BCAS2: variants seen among roughly 807,000 people sequenced by gnomAD.
BCAS2 encodes BCAS2 pre-mRNA processing factor, also known as pre-mRNA-splicing factor SPF27.
In BCAS2, 34 loss-of-function variants were observed where a neutral mutation model predicts 35.3. That is an observed-to-expected ratio of 0.96 (90% CI 0.73 to 1.28). BCAS2 has a LOEUF of 1.28. Among genes scored for constraint, BCAS2 ranks in the 50% most tolerant of loss-of-function variants. The probability of loss-of-function intolerance (pLI) is 0.00; values close to 1 mark genes in which losing one functional copy is unlikely to be tolerated. For synonymous variants in BCAS2, 75 were observed against 91.6 expected (o/e 0.82, Z 1.03); for missense variants, 221 against 268.1 (o/e 0.82, Z 1.23).
At position 114,575,162 on chromosome 1, in the gene BCAS2, G is replaced by A. The variant is rs192289935; in HGVS notation, c.419+428C>T. On this transcript the variant is annotated intron_variant, in intron 4 of 6. Transcript: ENST00000369541. ...GCTGGGATTACAGGTGTAAACCACC[G>A]CGCCCGGCTTTTCTTTTTCTTTTCT... Among the ~76,000 whole-genome samples, 9 of 145,036 alleles carry A rather than the reference G, an allele frequency of 6.2e-5. No individual in the cohort carries two copies. The East Asian group carries it at 1.4e-3, about 23-fold the overall frequency.
chr1:114,576,476 T>G (rs1367052362), intron 3 of BCAS2, among the ~76,000 whole-genome samples: 1 of 150,288 alleles, frequency 6.7e-6, no homozygotes, highest in Non-Finnish European at 1.5e-5. Flanking sequence ...TTGGTAGAGA[T>G]GGGGTTTTGC....
At position 114,570,759 on chromosome 1, in the gene BCAS2, A is replaced by G. The variant is rs1429315193; in HGVS notation, c.420-9T>C. 4 of 1,567,452 alleles carry G rather than the reference A, an allele frequency of 2.6e-6. No homozygotes were observed. The highest frequency in any genetic ancestry group is 1.1e-5 in the South Asian group (1 of 87,460). ...TCATATGAACTAGATTTCTGAAGGA[A>G]AAGAGGAAAATCAGATTAAAATACA... On this transcript the variant is annotated splice_polypyrimidine_tract_variant and intron_variant, in intron 4 of 6. Coordinates refer to ENST00000369541, the MANE Select transcript of BCAS2 (RefSeq NM_005872.3).
At chr1:114,574,851 C>A (rs1284299350) in intron 4 of BCAS2, among the ~76,000 whole-genome samples, 1 of 152,078 alleles carries the variant, frequency 6.6e-6, no homozygotes, top group Non-Finnish European at 1.5e-5. Context: ...CACACTTCCC[C>A]TACCCATACT....
chr1:114,570,336 C>G (rs1654614023), intron 5 of BCAS2, among the ~76,000 whole-genome samples: 1 of 152,096 alleles, frequency 6.6e-6, no homozygotes, highest in African/African-American at 2.4e-5. Context: ...ATGCATGTCT[C>G]CTTTTTCCTG....
intron 4 of BCAS2, among the ~76,000 whole-genome samples, chr1:114,573,226 T>TGA (rs914167073): frequency 9.3e-5 from 14 of 150,820 alleles, no homozygotes; most frequent in Non-Finnish European, 1.9e-4. Context: ...TTCTTTTCAA[T>TGA]GTCATATTTT....
chr1:114,568,205 C>A lies in BCAS2; in HGVS notation c.603G>T (p.Gln201His). 1.2e-6 allele frequency: 2 copies of A among 1,613,940 alleles called. No individual in the cohort carries two copies. Among genetic ancestry groups the A allele is most frequent in the Admixed American group, 3.3e-5 (2 of 60,028 alleles). ...KNYEIERTIVQLENEIYQIKQ... is the reference protein window; with the variant it reads ...KNYEIERTIVHLENEIYQIKQ... Reference sequence around the variant, plus strand: ...TAATTTGATAGATTTCATTTTCTAGCTGAACAATAGTCCGTTCAATCTCAT... The same window carrying A: ...TAATTTGATAGATTTCATTTTCTAGATGAACAATAGTCCGTTCAATCTCAT... Residue 201 changes from glutamine to histidine, a missense_variant, in exon 7 of 7, where the codon CAG (glutamine) becomes CAT (histidine). Gln to His is a conservative substitution (Grantham distance 24). Coordinates refer to ENST00000369541, the MANE Select transcript of BCAS2 (RefSeq NM_005872.3).
At chr1:114,572,677 G>A (rs571863067) in intron 4 of BCAS2, among the ~76,000 whole-genome samples, 1 of 152,320 alleles carries the variant, frequency 6.6e-6, no homozygotes, top group East Asian at 1.9e-4. Flanking sequence ...CCCTAAACAA[G>A]CTGAATTTGG....
At chr1:114,571,829 CTG>C (rs1337093879) in intron 4 of BCAS2, among the ~76,000 whole-genome samples, 1 of 152,128 alleles carries the variant, frequency 6.6e-6, no homozygotes, top group Non-Finnish European at 1.5e-5. Context: ...AAAAAGAAAA[CTG>C]TTGTAGAATG....
chr1:114,569,046 G>T (rs1654588921), intron 6 of BCAS2, among the ~76,000 whole-genome samples: 3 of 151,954 alleles, frequency 2.0e-5, no homozygotes, highest in Admixed American at 2.0e-4. Flanking sequence ...ATTACAATGT[G>T]AGTCACCACA....
At chr1:114,579,442 C>T (rs1654837452) in intron 2 of BCAS2, among the ~76,000 whole-genome samples, 1 of 152,192 alleles carries the variant, frequency 6.6e-6, no homozygotes, top group Admixed American at 6.5e-5. Context: ...TATCTGAAAC[C>T]TTCAGAAATC....
At chr1:114,570,107 T>A in intron 5 of BCAS2, 35 bp from the exon 6 acceptor site, 5 of 1,422,676 alleles carry the variant, frequency 3.5e-6, no homozygotes, top group Non-Finnish European at 4.9e-6. Context: ...CAATTACATT[T>A]TAATGTAAGA....
At chr1:114,569,518 T>C (rs1488015459) in intron 6 of BCAS2, among the ~76,000 whole-genome samples, 1 of 152,082 alleles carries the variant, frequency 6.6e-6, no homozygotes, top group Admixed American at 6.5e-5. Flanking sequence ...TTTTTTTTTT[T>C]TTAAAGACTA....
intron 2 of BCAS2, among the ~76,000 whole-genome samples, chr1:114,576,964 T>C (rs1442046610): frequency 6.6e-6 from 1 of 152,168 alleles, no homozygotes; most frequent in East Asian, 1.9e-4. Flanking sequence ...AAAAGTGGCA[T>C]GTATTAAGGA....
intron 1 of BCAS2, 44 bp downstream of exon 1, chr1:114,581,455 A>T: frequency 1.2e-6 from 2 of 1,613,988 alleles, no homozygotes; most frequent in Non-Finnish European, 1.7e-6. Context: ...TTCAGTACCG[A>T]GCCAGCTAGC....
intron 2 of BCAS2, among the ~76,000 whole-genome samples, chr1:114,578,778 C>A (rs1297928506): frequency 6.6e-6 from 1 of 152,152 alleles, no homozygotes; most frequent in African/African-American, 2.4e-5. Context: ...ATGGAACAGA[C>A]CTTCGTAAAT....
At position 114,581,533 on chromosome 1, in the gene BCAS2, T is replaced by C. The variant is rs1277979341; in HGVS notation, c.59A>G (p.Asp20Gly). 3.1e-6 allele frequency: 5 copies of C among 1,613,936 alleles called. No individual in the cohort carries two copies. In the East Asian group the frequency reaches 1.1e-4, roughly 36 times the overall value. Residue 20 changes from aspartate to glycine, a missense_variant, in exon 1 of 7, where the codon GAT becomes GGT. Transcript: ENST00000369541. ...EVVVDALPYF[D>G]QGYEAPGVRE... Reference sequence around the variant, plus strand: ...CACACCAGGGGCTTCATAACCTTGATCAAAATACGGCAGCGCATCCACCAC... The same window carrying C: ...CACACCAGGGGCTTCATAACCTTGACCAAAATACGGCAGCGCATCCACCAC...
At position 114,567,959 on chromosome 1, in the gene BCAS2, T is replaced by G. The variant is rs997640868; in HGVS notation, c.*171A>C. On this transcript the variant is annotated 3_prime_UTR_variant, in exon 7 of 7. Coordinates refer to ENST00000369541, the MANE Select transcript of BCAS2 (RefSeq NM_005872.3). ...AATACCACCAAGCTAGACATTTTAA[T>G]TCTGTTGAGATATACAAATAGAATT... The G allele has an allele frequency of 1.2e-6, 1 of 831,168 alleles. No homozygotes were observed. Among genetic ancestry groups the G allele is most frequent in the African/African-American group, 1.7e-5 (1 of 58,888 alleles). The allele number at this position is 831,168 out of a possible 1,614,324, so 51.5% of individuals were successfully genotyped here. A position where few individuals can be genotyped will look rare whatever the true frequency, so the allele number is the denominator to read the frequency against.
intron 2 of BCAS2, 80 bp from the exon 3 acceptor site, chr1:114,576,838 G>A: frequency 9.9e-7 from 1 of 1,013,446 alleles, no homozygotes; most frequent in Admixed American, 2.0e-5. Context: ...ACAGATTTAA[G>A]CTACACTACC....
chr1:114,576,670 C>G lies in BCAS2; in HGVS notation c.257+18G>C, dbSNP rs1371772694. On this transcript the variant is annotated intron_variant, in intron 3 of 6. Coordinates refer to ENST00000369541, the MANE Select transcript of BCAS2 (RefSeq NM_005872.3). The stretch of plus-strand genomic sequence containing the variant: ...GTTACTACAAACTAAATTTTAATTT[C>G]CATTTTAATATTCTTACCGTTTCAT... 8.2e-6 allele frequency: 13 copies of G among 1,587,492 alleles called. No individual in the cohort carries two copies. Among genetic ancestry groups the G allele is most frequent in the Non-Finnish European group, 9.5e-6 (11 of 1,159,938 alleles).
Sources: allele counts gnomAD v4.1 joint callset (sites outside exome capture counted in the v4.1 genomes callset), GRCh38; gene constraint gnomAD v4.1.1; transcripts MANE v1.5; gene names NCBI Gene and HGNC (gene_info 2026-07-23, HGNC 2026-07-21).